Variants in NADK2 observed in about 807,000 individuals in gnomAD.
NADK2 encodes NAD kinase domain-containing protein 1, mitochondrial.
Under a neutral mutation model 62.1 loss-of-function variants are expected in NADK2, and 35 were observed. The observed-to-expected ratio is 0.56, with a 90% CI of 0.43 to 0.75. The LOEUF is 0.75. Ranked by LOEUF, NADK2 falls within the 30% of genes least tolerant of loss-of-function variation. The pLI, the probability that NADK2 is intolerant of heterozygous loss-of-function variation, is 0.00. For synonymous variants in NADK2, 205 were observed against 207.9 expected, an observed-to-expected ratio of 0.99 and a Z score of 0.12; for missense variants, 439 against 561.3, an observed-to-expected ratio of 0.78 and a Z score of 2.20.
intron 1 of NADK2, among the ~76,000 whole-genome samples, chr5:36,237,817 A>T (rs79359931): frequency 0.062 from 9,425 of 152,268 alleles, 1,033 homozygotes; most frequent in African/African-American, 0.22. Context: ...CCTGGAATTC[A>T]GCCGGAGTCA....
chr5:36,212,621 T>C (rs1348893374), intron 6 of NADK2, among the ~76,000 whole-genome samples: 1 of 152,182 alleles, frequency 6.6e-6, no homozygotes, highest in African/African-American at 2.4e-5. Flanking sequence ...CTTTTATTAG[T>C]TTCCAACTGG....
At chr5:36,215,269 T>G (rs1231708292) in intron 6 of NADK2, among the ~76,000 whole-genome samples, 2 of 152,230 alleles carry the variant, frequency 1.3e-5, no homozygotes, top group African/African-American at 4.8e-5. Flanking sequence ...ATTCAAAGAC[T>G]CTTGCCTAAG....
chr5:36,221,984 A>G (rs911005944), intron 4 of NADK2: 1 of 151,990 alleles, frequency 6.6e-6, no homozygotes, highest in Non-Finnish European at 1.5e-5. Flanking sequence ...CACTGAATCA[A>G]TCATTCATTT....
At chr5:36,206,500 G>A (rs1026424075) in intron 8 of NADK2, among the ~76,000 whole-genome samples, 11 of 151,306 alleles carry the variant, frequency 7.3e-5, no homozygotes, top group African/African-American at 2.4e-4. Context: ...ATATATAGAG[G>A]GGAGAATGAA....
chr5:36,193,547 T>C lies in NADK2; in HGVS notation c.*1597A>G, dbSNP rs1746105913. The C allele has an allele frequency of 7.0e-6, 1 of 142,806 alleles. No individual in the cohort carries two copies. Among genetic ancestry groups the C allele is most frequent in the African/African-American group, 2.7e-5 (1 of 37,062 alleles). 8.8% of individuals were successfully genotyped at this position (142,806 alleles called of 1,614,324 possible). A position where few individuals can be genotyped will look rare whatever the true frequency, so the allele number is the denominator to read the frequency against. ...GGTTCTATAGTATGGAGCTTCTTTA[T>C]AAAGTGGTATCTTATGTATATCAAA... On this transcript the variant is annotated 3_prime_UTR_variant, in exon 12 of 12. Transcript: ENST00000381937.
At chr5:36,198,661 GTTATT>G (rs1383685152) in intron 10 of NADK2, among the ~76,000 whole-genome samples, 3 of 148,070 alleles carry the variant, frequency 2.0e-5, no homozygotes, top group African/African-American at 7.4e-5. Context: ...ATAAATTTCA[GTTATT>G]TTATATATAT....
intron 10 of NADK2, among the ~76,000 whole-genome samples, chr5:36,199,624 T>C (rs1561054915): frequency 6.6e-6 from 1 of 152,086 alleles, no homozygotes; most frequent in Non-Finnish European, 1.5e-5. Flanking sequence ...AGAATACATT[T>C]GAAGAACTTC....
At position 36,200,128 on chromosome 5, in the gene NADK2, A is replaced by T. The variant is rs925049734; in HGVS notation, c.1066+99T>A. 15 of 703,146 alleles carry T rather than the reference A, an allele frequency of 2.1e-5. No individual in the cohort carries two copies. In the Middle Eastern group the frequency reaches 1.2e-3, roughly 55 times the overall value. The allele number at this position is 703,146 out of a possible 1,614,324, so 43.6% of individuals were successfully genotyped here. ...TATTGTATTAAAAGCATGTTTGAGTAAAAAAAAGTACTTTGCTAATTAAAC... is the reference window on the plus strand; with the variant it reads ...TATTGTATTAAAAGCATGTTTGAGTTAAAAAAAGTACTTTGCTAATTAAAC... On this transcript the variant is annotated intron_variant, in intron 10 of 11. Coordinates refer to ENST00000381937, the MANE Select transcript of NADK2 (RefSeq NM_001085411.3).
chr5:36,199,250 G>C (rs1746352236), intron 10 of NADK2, among the ~76,000 whole-genome samples: 1 of 151,852 alleles, frequency 6.6e-6, no homozygotes, highest in South Asian at 2.1e-4. Flanking sequence ...TCATGTTAAG[G>C]TAACCAATGA....
intron 5 of NADK2, among the ~76,000 whole-genome samples, chr5:36,219,097 G>C (rs1219199236): frequency 6.6e-6 from 1 of 152,168 alleles, no homozygotes; most frequent in Non-Finnish European, 1.5e-5. Flanking sequence ...AATTCCAACT[G>C]GACTAGGAGA....
rs1466246175 is a variant in NADK2 at position 36,226,526 on chromosome 5, C to G, written c.427G>C (p.Glu143Gln). ...CATCGAACAGTCTCTTCATCATATT[C>G]TCTCCTCTTTACTAGACGAACCTCA... ...GIEVRLVKRR[E>Q]YDEETVRWAD... is the part of the protein sequence containing the mutation. Residue 143 changes from glutamate (E) to glutamine (Q), a missense_variant, in exon 3 of 12, where the codon GAA (glutamate) becomes CAA (glutamine). Coordinates refer to ENST00000381937, the MANE Select transcript of NADK2 (RefSeq NM_001085411.3). 2 of 1,613,016 alleles carry G rather than the reference C, an allele frequency of 1.2e-6. No individual in the cohort carries two copies. The highest frequency in any genetic ancestry group is 2.7e-5 in the African/African-American group (2 of 74,886).
At chr5:36,210,498 A>G (rs1489297030) in intron 7 of NADK2, among the ~76,000 whole-genome samples, 1 of 152,160 alleles carries the variant, frequency 6.6e-6, no homozygotes, top group Admixed American at 6.5e-5. Flanking sequence ...AAAGGATACA[A>G]CATCACCTAT....
intron 4 of NADK2, chr5:36,221,338 C>T (rs1042133137): frequency 9.2e-5 from 14 of 152,338 alleles, no homozygotes; most frequent in African/African-American, 3.4e-4. Context: ...CTGACATCTA[C>T]TTATCCTCAG....
chr5:36,241,684 C>A lies in NADK2; in HGVS notation c.115G>T (p.Gly39Cys). 1.7e-6 allele frequency: 2 copies of A among 1,160,976 alleles called. No individual in the cohort carries two copies. Among genetic ancestry groups the A allele is most frequent in the Non-Finnish European group, 2.1e-6 (2 of 945,518 alleles). 71.9% of individuals were successfully genotyped at this position (1,160,976 alleles called of 1,614,324 possible). A position where few individuals can be genotyped will look rare whatever the true frequency, so the allele number is the denominator to read the frequency against. ...AGGTGCCGCCGGCCGCCACCGTCAC[C>A]GCCCAGCCGGGGCCGCGCGGCGGGG... ...GGPAARPRLG[G>C]DGGGRRHLGQ... The change falls in exon 1 of 12, where the codon GGT becomes TGT. Residue 39 changes from glycine to cysteine, a missense_variant. Coordinates refer to ENST00000381937, the MANE Select transcript of NADK2 (RefSeq NM_001085411.3). This position sits in a 1 kb window ranked among gnomAD's most constrained non-coding sequence, Gnocchi z 4.9.
intron 1 of NADK2, among the ~76,000 whole-genome samples, chr5:36,235,254 A>G (rs796184536): frequency 6.6e-6 from 1 of 152,340 alleles, no homozygotes; most frequent in African/African-American, 2.4e-5. Flanking sequence ...ACATATTTTT[A>G]GTTCACTTAA....
rs1375419807 is a variant in NADK2 at position 36,201,143 on chromosome 5, C to G, written c.975G>C (p.Arg325Ser). 1 of 1,612,016 alleles carries G rather than the reference C, an allele frequency of 6.2e-7. No homozygotes were observed. The highest frequency in any genetic ancestry group is 8.5e-7 in the Non-Finnish European group (1 of 1,178,818). ...CATCTTCTACAGCCTGAGTTGCAAC[C>G]CTGTTAATATTGAATGACCTAGAAA... ...GSKAWSFNIN[R>S]VATQAVEDVL... The change falls in exon 9 of 12, where the codon AGG becomes AGC. Residue 325 changes from arginine to serine, a missense_variant. Coordinates refer to ENST00000381937, the MANE Select transcript of NADK2 (RefSeq NM_001085411.3).
chr5:36,194,590 T>TA lies in NADK2; in HGVS notation c.*553dup, dbSNP rs1746159042. ...TTTGAAATTTTTAAATCAATAGTCA[T>TA]AACATCATCGTGTTCCGAAATTAGA... On this transcript the variant is annotated 3_prime_UTR_variant, in exon 12 of 12. Coordinates refer to ENST00000381937, the MANE Select transcript of NADK2 (RefSeq NM_001085411.3). The TA allele has an allele frequency of 6.6e-6, 1 of 152,218 alleles. No homozygotes were observed. Among genetic ancestry groups the TA allele is most frequent in the Non-Finnish European group, 1.5e-5 (1 of 68,028 alleles). 9.4% of individuals were successfully genotyped at this position (152,218 alleles called of 1,614,324 possible).
At chr5:36,237,844 G>A (rs1747964774) in intron 1 of NADK2, among the ~76,000 whole-genome samples, 1 of 152,172 alleles carries the variant, frequency 6.6e-6, no homozygotes, top group African/African-American at 2.4e-5. Context: ...TCAGGTGTGT[G>A]CTTCATAAAA....
At chr5:36,232,800 A>G (rs972308509) in intron 1 of NADK2, among the ~76,000 whole-genome samples, 2 of 151,838 alleles carry the variant, frequency 1.3e-5, no homozygotes, top group Non-Finnish European at 2.9e-5. Context: ...ACTCCAGGAA[A>G]CTCACCTACC....
Sources: allele counts gnomAD v4.1 joint callset (sites outside exome capture counted in the v4.1 genomes callset), GRCh38; gene constraint gnomAD v4.1.1; non-coding constraint Gnocchi (gnomAD v3.1); transcripts MANE v1.5; gene names NCBI Gene and HGNC (gene_info 2026-07-23, HGNC 2026-07-21).